The following SLC16A10 variants were observed in gnomAD, a reference collection of about 807,000 sequenced individuals.
SLC16A10 encodes solute carrier family 16 member 10, also known as monocarboxylate transporter 10.
A neutral mutation model predicts 40.0 loss-of-function variants in SLC16A10; 27 were observed. The ratio of observed to expected loss-of-function variants is 0.67; its 90% CI spans 0.50 to 0.93. SLC16A10 has a LOEUF of 0.93. SLC16A10 is among the 40% of genes least tolerant of loss of function. The pLI, the probability that SLC16A10 is intolerant of heterozygous loss-of-function variation, is 0.00. For missense variants in SLC16A10, 529 were observed against 658.2 expected (o/e 0.80, Z 2.15); for synonymous variants, 213 against 249.8 (o/e 0.85, Z 1.39).
chr6:111,109,050 A>G (rs1771337403), intron 1 of SLC16A10, among the ~76,000 whole-genome samples: 2 of 152,212 alleles, frequency 1.3e-5, no homozygotes, highest in Non-Finnish European at 2.9e-5. Flanking sequence ...AAATGTAATT[A>G]ATTTTTTAAA....
At chr6:111,130,096 A>G (rs559139239) in intron 1 of SLC16A10, among the ~76,000 whole-genome samples, 126 of 152,354 alleles carry the variant, frequency 8.3e-4, no homozygotes, top group Middle Eastern at 3.4e-3. Context: ...AGACACAGTC[A>G]TCATGTCAGA....
intron 1 of SLC16A10, among the ~76,000 whole-genome samples, chr6:111,121,717 G>A (rs1437728258): frequency 6.6e-6 from 1 of 152,196 alleles, no homozygotes; most frequent in Non-Finnish European, 1.5e-5. Context: ...TGTTATAGCA[G>A]AGAACCAGCC....
intron 5 of SLC16A10, among the ~76,000 whole-genome samples, chr6:111,220,217 G>A (rs1175644290): frequency 1.3e-5 from 2 of 152,224 alleles, no homozygotes; most frequent in East Asian, 3.8e-4. Context: ...TACTTAATTG[G>A]AATGAAGTGT....
intron 3 of SLC16A10, among the ~76,000 whole-genome samples, chr6:111,191,335 C>A (rs1263105172): frequency 1.3e-5 from 2 of 152,188 alleles, no homozygotes; most frequent in Non-Finnish European, 2.9e-5. Context: ...CATGTCCCTG[C>A]AAAGGACATG....
chr6:111,170,374 T>A (rs1323728594), intron 1 of SLC16A10, among the ~76,000 whole-genome samples: 5 of 152,226 alleles, frequency 3.3e-5, no homozygotes, highest in African/African-American at 9.6e-5. Context: ...TCAGGCAATG[T>A]TTGCTGTAAA....
intron 1 of SLC16A10, among the ~76,000 whole-genome samples, chr6:111,131,099 G>A (rs1365262468): frequency 6.6e-6 from 1 of 152,204 alleles, no homozygotes; most frequent in Non-Finnish European, 1.5e-5. Flanking sequence ...CACTCTTCCA[G>A]TCTGTGTTTG....
chr6:111,213,568 A>G (rs1286428122), intron 4 of SLC16A10, among the ~76,000 whole-genome samples: 2 of 152,188 alleles, frequency 1.3e-5, no homozygotes, highest in African/African-American at 4.8e-5. Flanking sequence ...AATGTAAGCT[A>G]TTTCCAAAGT....
intron 2 of SLC16A10, 73 bp from the exon 3 acceptor site, chr6:111,177,139 A>G (rs1020924541): frequency 1.3e-5 from 14 of 1,079,442 alleles, no homozygotes; most frequent in Non-Finnish European, 1.7e-5. Flanking sequence ...CACTTATACT[A>G]TAAGATTTTA....
intron 1 of SLC16A10, among the ~76,000 whole-genome samples, chr6:111,103,078 A>G (rs941946721): frequency 6.6e-6 from 1 of 151,668 alleles, no homozygotes; most frequent in African/African-American, 2.4e-5. Flanking sequence ...GCTAATTTTC[A>G]TATTTTTTGT....
chr6:111,124,759 G>A (rs181896484), intron 1 of SLC16A10, among the ~76,000 whole-genome samples: 1 of 152,274 alleles, frequency 6.6e-6, no homozygotes, highest in Non-Finnish European at 1.5e-5. Flanking sequence ...GTAATCTTTA[G>A]CATTACATAA....
rs568561540 is a variant in SLC16A10 at position 111,177,216 on chromosome 6, A to G, written c.493A>G (p.Ile165Val). 59 of 1,517,168 alleles carry G rather than the reference A, an allele frequency of 3.9e-5. 4 individuals are homozygous for G. In the South Asian group the frequency reaches 7.0e-4, roughly 18 times the overall value. 94.0% of individuals were successfully genotyped at this position (1,517,168 alleles called of 1,614,324 possible). ...GLMSSSFVSS[I>V]EPLYLTYGII... ...ATCTTTTTCATCTTTATACAGTTCC[A>G]TCGAGCCTCTGTACCTTACCTATGG... Residue 165 changes from isoleucine (I) to valine (V), a missense_variant, in exon 3 of 6, where the codon ATC (isoleucine) becomes GTC (valine). Physicochemically the swap from Ile to Val is conservative, Grantham distance 29 (BLOSUM62 3). Coordinates refer to ENST00000368851, the MANE Select transcript of SLC16A10 (RefSeq NM_018593.5).
At chr6:111,092,315 GTTT>G (rs1173275647) in intron 1 of SLC16A10, among the ~76,000 whole-genome samples, 9 of 98,578 alleles carry the variant, frequency 9.1e-5, no homozygotes, top group African/African-American at 2.5e-4. Context: ...TTTTTTTGTT[GTTT>G]TTTTTTTTTT....
At chr6:111,182,751 G>A (rs1223150107) in intron 3 of SLC16A10, among the ~76,000 whole-genome samples, 1 of 152,046 alleles carries the variant, frequency 6.6e-6, no homozygotes, top group Admixed American at 6.6e-5. Flanking sequence ...CCTCATCTCA[G>A]GAGCTGGCAA....
chr6:111,155,044 A>T (rs1772243151), intron 1 of SLC16A10, among the ~76,000 whole-genome samples: 1 of 148,160 alleles, frequency 6.7e-6, no homozygotes, highest in Non-Finnish European at 1.5e-5. Context: ...AAAAAAAAAA[A>T]GACAATTCTG....
chr6:111,112,716 AAG>A (rs1469949280), intron 1 of SLC16A10, among the ~76,000 whole-genome samples: 2 of 152,242 alleles, frequency 1.3e-5, no homozygotes, highest in Admixed American at 6.5e-5. Context: ...AGAAATCAAA[AAG>A]AGTTTTTATT....
intron 1 of SLC16A10, among the ~76,000 whole-genome samples, chr6:111,147,486 G>A (rs959727384): frequency 6.6e-6 from 1 of 152,044 alleles, no homozygotes; most frequent in African/African-American, 2.4e-5. Context: ...AAATGTTTTC[G>A]TGTACGGTGG....
chr6:111,145,125 C>T (rs989598310), intron 1 of SLC16A10, among the ~76,000 whole-genome samples: 2 of 152,100 alleles, frequency 1.3e-5, no homozygotes. Context: ...AGCCACTGCA[C>T]CTGGCCATCT....
intron 4 of SLC16A10, among the ~76,000 whole-genome samples, chr6:111,209,559 A>G (rs544454294): frequency 2.0e-5 from 3 of 152,222 alleles, no homozygotes; most frequent in African/African-American, 7.2e-5. Context: ...TAGGAAAGCC[A>G]AGTAGTGTTT....
At chr6:111,181,287 T>G (rs57599229) in intron 3 of SLC16A10, among the ~76,000 whole-genome samples, 449 of 152,286 alleles carry the variant, frequency 2.9e-3, no homozygotes, top group African/African-American at 0.01. Flanking sequence ...TTCTTACTAG[T>G]TGCATAACCT....
Sources: gnomAD v4.1 joint callset for allele counts (sites outside exome capture counted in the v4.1 genomes callset) on GRCh38, gnomAD v4.1.1 for gene constraint, MANE v1.5 for transcripts, NCBI Gene and HGNC (gene_info 2026-07-23, HGNC 2026-07-21) for gene names.